CCSER2: variants seen among roughly 807,000 people sequenced by gnomAD.
The protein encoded by CCSER2 is serine-rich coiled-coil domain-containing protein 2.
A neutral mutation model predicts 92.3 loss-of-function variants in CCSER2; 46 were observed. The observed-to-expected ratio is 0.50, with a 90% CI of 0.39 to 0.64. CCSER2 has a LOEUF of 0.64. Among genes scored for constraint, CCSER2 ranks in the 30% least tolerant of loss-of-function variants. The pLI is 0.00. For missense variants in CCSER2, 1,244 were observed against 1,238.9 expected (o/e 1.00, Z -0.06); for synonymous variants, 433 against 431.4 (o/e 1.00, Z -0.04).
intron 6 of CCSER2, among the ~76,000 whole-genome samples, chr10:84,446,965 A>G (rs191916271): frequency 1.5e-4 from 23 of 150,326 alleles, no homozygotes; most frequent in East Asian, 3.9e-4. Flanking sequence ...TGGTGCTCCA[A>G]TCTATGAACG....
rs75110527 is a variant in CCSER2, at chr10:84,379,180, A to G, written c.1614+5365A>G. ...TATTGGCATATTAAAATTTGTATGT[A>G]TATTCGTGTTGGTTTTTGAAAATTT... is the stretch of plus-strand genomic sequence containing the variant. On this transcript the variant is annotated intron_variant, in intron 3 of 9. Transcript: ENST00000372088. Among the ~76,000 whole-genome samples the G allele has an allele frequency of 5.9e-5, 9 of 152,262 alleles. 1 individual carries two copies. The East Asian group carries it at 1.5e-3, about 26-fold the overall frequency.
chr10:84,375,113 A>C (rs565785899), intron 3 of CCSER2, among the ~76,000 whole-genome samples: 1 of 152,200 alleles, frequency 6.6e-6, no homozygotes, highest in Non-Finnish European at 1.5e-5. Context: ...AGCAGATGGC[A>C]GCAATAAACC....
chr10:84,506,545 G>C (rs1440797468), intron 9 of CCSER2, among the ~76,000 whole-genome samples: 1 of 151,858 alleles, frequency 6.6e-6, no homozygotes, highest in Non-Finnish European at 1.5e-5. Flanking sequence ...TGTGATCCCA[G>C]CACTTTGGGA....
At chr10:84,445,497 C>G (rs2133555650) in intron 6 of CCSER2, among the ~76,000 whole-genome samples, 1 of 152,258 alleles carries the variant, frequency 6.6e-6, no homozygotes, top group African/African-American at 2.4e-5. Flanking sequence ...AACTTCTTAA[C>G]AAAGTGTAAT....
At chr10:84,462,139 C>T (rs1204095320) in intron 6 of CCSER2, among the ~76,000 whole-genome samples, 1 of 152,132 alleles carries the variant, frequency 6.6e-6, no homozygotes, top group East Asian at 1.9e-4. Context: ...AGGATCAGAT[C>T]CAAGCAAGTG....
intron 6 of CCSER2, among the ~76,000 whole-genome samples, chr10:84,444,370 G>C (rs2133549582): frequency 6.6e-6 from 1 of 152,232 alleles, no homozygotes; most frequent in East Asian, 1.9e-4. Flanking sequence ...ATAATATTTA[G>C]GAGGCTGTTG....
intron 9 of CCSER2, chr10:84,499,806 T>C: frequency 6.9e-7 from 1 of 1,451,760 alleles, no homozygotes; most frequent in South Asian, 1.2e-5. Flanking sequence ...AAACAAAGTA[T>C]GACTTGGTTT....
chr10:84,383,056 T>C (rs1171772761), intron 3 of CCSER2, among the ~76,000 whole-genome samples: 2 of 152,220 alleles, frequency 1.3e-5, no homozygotes, highest in African/African-American at 4.8e-5. Context: ...CATAATATTC[T>C]TAGCAGTGTT....
At chr10:84,341,994 G>C (rs902001533) in intron 1 of CCSER2, among the ~76,000 whole-genome samples, 1 of 152,166 alleles carries the variant, frequency 6.6e-6, no homozygotes, top group Non-Finnish European at 1.5e-5. Context: ...CTTTTGTGGA[G>C]GTTTTATTAC....
chr10:84,493,440 ATT>A (rs1188448579), intron 9 of CCSER2, among the ~76,000 whole-genome samples: 13 of 152,126 alleles, frequency 8.5e-5, no homozygotes, highest in Admixed American at 7.9e-4. Context: ...TCTATGTTCA[ATT>A]TCAAGGATCC....
chr10:84,345,050 G>A (rs1444517285), intron 1 of CCSER2, among the ~76,000 whole-genome samples: 28 of 152,084 alleles, frequency 1.8e-4, no homozygotes, highest in Non-Finnish European at 7.4e-5. Context: ...AGTTATTGAA[G>A]GATTTTAAAA....
At chr10:84,479,931 A>G (rs1269832853) in intron 9 of CCSER2, among the ~76,000 whole-genome samples, 1 of 152,228 alleles carries the variant, frequency 6.6e-6, no homozygotes, top group African/African-American at 2.4e-5. Flanking sequence ...AGAGATCACA[A>G]TAAGGACTTA....
chr10:84,377,066 A>G (rs35912751), intron 3 of CCSER2, among the ~76,000 whole-genome samples: 31,825 of 151,930 alleles, frequency 0.21, 3,586 homozygotes, highest in Admixed American at 0.34. Flanking sequence ...TATTTATTTT[A>G]TATCAATATG....
In CCSER2 at chr10:84,371,588, A is replaced by G; in HGVS notation, c.536A>G (p.Asn179Ser). The G allele has an allele frequency of 1.2e-6, 2 of 1,613,730 alleles. No individual in the cohort carries two copies. The highest frequency in any genetic ancestry group is 1.7e-6 in the Non-Finnish European group (2 of 1,179,850). ...TCACAGTTGAATGGATTTTATGGAA[A>G]CCGATCAGCTGGTAGCATGCAAAGG... ...PKSQLNGFYGNRSAGSMQRPR... is the reference protein window; with the variant it reads ...PKSQLNGFYGSRSAGSMQRPR... The change falls in exon 2 of 10, where the codon AAC becomes AGC. Residue 179 changes from asparagine to serine, a missense_variant. Transcript: ENST00000372088.
Position 84,425,855 on chromosome 10 carries a change from T to C in CCSER2, c.1830T>C (p.Pro610=), listed in dbSNP as rs1215042815. ...SGQEHYHLSH[P]DHYHHHGKSD... is the part of the protein sequence containing the mutation. Reference sequence around the variant, plus strand: ...AGGAGCATTACCACCTCAGCCACCCTGACCACTATCATCACCATGGAAAAA... The same window carrying C: ...AGGAGCATTACCACCTCAGCCACCCCGACCACTATCATCACCATGGAAAAA... Residue 610 remains proline, a synonymous_variant, in exon 5 of 10, where the codon CCT becomes CCC. Coordinates refer to ENST00000372088, the MANE Select transcript of CCSER2 (RefSeq NM_001284240.2). 1.9e-6 allele frequency: 3 copies of C among 1,611,740 alleles called. No individual in the cohort carries two copies. The African/African-American group carries it at 4.0e-5, about 22-fold the overall frequency.
chr10:84,419,958 A>G (rs1394991075), intron 4 of CCSER2, among the ~76,000 whole-genome samples: 3 of 152,232 alleles, frequency 2.0e-5, no homozygotes, highest in Non-Finnish European at 4.4e-5. Context: ...GGAAAGTTAT[A>G]GGGGAAGAAT....
intron 3 of CCSER2, among the ~76,000 whole-genome samples, chr10:84,376,781 G>T (rs547159014): frequency 6.6e-6 from 1 of 152,088 alleles, no homozygotes; most frequent in Non-Finnish European, 1.5e-5. Flanking sequence ...AAGTGATTGT[G>T]CCTGTTTACA....
intron 5 of CCSER2, among the ~76,000 whole-genome samples, chr10:84,432,648 T>A (rs1843847745): frequency 6.6e-6 from 1 of 152,258 alleles, no homozygotes; most frequent in South Asian, 2.1e-4. Flanking sequence ...AGATATATGT[T>A]TTGCAAATAA....
chr10:84,437,635 AC>A (rs1479190227), intron 5 of CCSER2, among the ~76,000 whole-genome samples: 2 of 151,476 alleles, frequency 1.3e-5, no homozygotes, highest in African/African-American at 4.9e-5. Flanking sequence ...GAAACACATT[AC>A]TTTTATTTTT....
Sources: gnomAD v4.1 joint callset for allele counts (sites outside exome capture counted in the v4.1 genomes callset) on GRCh38, gnomAD v4.1.1 for gene constraint, MANE v1.5 for transcripts, NCBI Gene and HGNC (gene_info 2026-07-23, HGNC 2026-07-21) for gene names.